LAMA2: variants seen among roughly 807,000 people sequenced by gnomAD.
LAMA2 encodes laminin subunit alpha-2.
A neutral mutation model predicts 364.8 loss-of-function variants in LAMA2; 269 were observed. That is an observed-to-expected ratio of 0.74 (90% CI 0.67 to 0.82). LAMA2 has a LOEUF of 0.82. Among genes scored for constraint, LAMA2 ranks in the 40% least tolerant of loss-of-function variants. The pLI is 0.00. For missense variants in LAMA2, 3,807 were observed against 3,873.2 expected, an observed-to-expected ratio of 0.98 and a Z score of 0.45; for synonymous variants, 1,379 against 1,370.6, an observed-to-expected ratio of 1.01 and a Z score of -0.14.
chr6:129,398,505 C>T (rs1431170950), intron 37 of LAMA2, among the ~76,000 whole-genome samples: 49 of 97,586 alleles, frequency 5.0e-4, no homozygotes, highest in Admixed American at 1.5e-3. Flanking sequence ...GACAGAGTTT[C>T]GCTCTTGTCA....
chr6:129,344,160 T>G (rs1486375621), intron 30 of LAMA2, among the ~76,000 whole-genome samples: 1 of 152,194 alleles, frequency 6.6e-6, no homozygotes, highest in Non-Finnish European at 1.5e-5. Context: ...GGAAAACTAT[T>G]ATCATAGAAT....
chr6:129,152,757 G>C (rs567599963), intron 7 of LAMA2, among the ~76,000 whole-genome samples: 1 of 152,234 alleles, frequency 6.6e-6, no homozygotes, highest in South Asian at 2.1e-4. Flanking sequence ...GGTGTTATTT[G>C]TAAAGGGAGA....
chr6:129,310,526 A>G (rs1774152209), intron 22 of LAMA2, among the ~76,000 whole-genome samples: 1 of 152,180 alleles, frequency 6.6e-6, no homozygotes, highest in African/African-American at 2.4e-5. Context: ...TGCATACACC[A>G]TATGGTGGCA....
chr6:129,043,956 T>C (rs1002323258), intron 1 of LAMA2, among the ~76,000 whole-genome samples: 1 of 152,204 alleles, frequency 6.6e-6, no homozygotes, highest in African/African-American at 2.4e-5. Context: ...ACAGAGTTTA[T>C]GCACAGATTG....
chr6:129,296,744 A>C (rs904084768), intron 20 of LAMA2, among the ~76,000 whole-genome samples: 2 of 152,230 alleles, frequency 1.3e-5, no homozygotes, highest in African/African-American at 4.8e-5. Context: ...ATTACCGAGA[A>C]TAATTTTCCA....
chr6:129,440,226 A>G (rs1034756849), intron 42 of LAMA2, among the ~76,000 whole-genome samples: 4 of 152,104 alleles, frequency 2.6e-5, no homozygotes, highest in Admixed American at 2.0e-4. Flanking sequence ...AAATGCACAT[A>G]TTTATACAAC....
chr6:129,316,146 T>C lies in LAMA2; in HGVS notation c.4033T>C (p.Tyr1345His). The C allele has an allele frequency of 6.2e-7, 1 of 1,608,118 alleles. No homozygotes were observed. The highest frequency in any genetic ancestry group is 2.2e-5 in the East Asian group (1 of 44,850). ...TCATTACATTCTTATCAAAGCTACTTATGGAAATTTCATGCGACAAAGCAG... is the reference window on the plus strand; with the variant it reads ...TCATTACATTCTTATCAAAGCTACTCATGGAAATTTCATGCGACAAAGCAG... ...DIHYILIKAT[Y>H]GNFMRQSRIS... The change falls in exon 27 of 65, where the codon TAT becomes CAT. Residue 1345 changes from tyrosine to histidine, a missense_variant. Tyr to His is a moderately conservative substitution (Grantham distance 83, BLOSUM62 2). This residue lies in a region of LAMA2 where 3,333 missense variants were observed against 3,345.7 expected (regional missense o/e 1.00). Transcript: ENST00000421865.
intron 42 of LAMA2, among the ~76,000 whole-genome samples, chr6:129,440,587 T>C (rs183329401): frequency 6.6e-6 from 1 of 152,226 alleles, no homozygotes; most frequent in East Asian, 1.9e-4. Flanking sequence ...AATAGTCACG[T>C]CACTACTTTA....
intron 3 of LAMA2, among the ~76,000 whole-genome samples, chr6:129,077,987 C>T (rs1337606136): frequency 6.6e-6 from 1 of 151,980 alleles, no homozygotes; most frequent in East Asian, 1.9e-4. Flanking sequence ...AGAGTGAAGC[C>T]GAATGTAAAC....
At chr6:128,898,260 A>G (rs751613460) in intron 1 of LAMA2, among the ~76,000 whole-genome samples, 10 of 152,148 alleles carry the variant, frequency 6.6e-5, no homozygotes, top group Non-Finnish European at 1.3e-4. Flanking sequence ...TATCCTGGTT[A>G]TGGATGGTAA....
intron 40 of LAMA2, among the ~76,000 whole-genome samples, chr6:129,418,611 G>A (rs573865449): frequency 6.6e-6 from 1 of 151,710 alleles, no homozygotes; most frequent in Non-Finnish European, 1.5e-5. Flanking sequence ...TTTTTTTATT[G>A]ATCAGAATTA....
intron 12 of LAMA2, among the ~76,000 whole-genome samples, chr6:129,234,719 T>C (rs571908575): frequency 3.9e-5 from 6 of 152,336 alleles, no homozygotes; most frequent in Admixed American, 2.0e-4. Context: ...TTATCAATTG[T>C]GTATGTACTT....
chr6:129,203,106 A>T (rs1782407020), intron 12 of LAMA2, among the ~76,000 whole-genome samples: 1 of 152,252 alleles, frequency 6.6e-6, no homozygotes, highest in Non-Finnish European at 1.5e-5. Flanking sequence ...AGTTTTAAAA[A>T]GAAAGACTGG....
Position 129,143,394 on chromosome 6 carries a change from C to G in LAMA2, c.640-507C>G, listed in dbSNP as rs115482079. ...TATCTCACTGTGATGATAGATTTGT[C>G]TAGTTTTCCTTGTAATTTTTGTTCT... On this transcript the variant is annotated intron_variant, in intron 4 of 64. Transcript: ENST00000421865. 6.1e-3 allele frequency among the ~76,000 whole-genome samples: 917 copies of G among 151,534 alleles called. 14 individuals carry two copies. The highest frequency in any genetic ancestry group is 0.021 in the African/African-American group (885 of 41,402).
chr6:129,303,055 A>G lies in LAMA2; in HGVS notation c.3174+2183A>G, dbSNP rs550140146. ...ATAGATCAATTTGGGAAGAATTGACAGCTTAAAAGTATTAGATATCCCAGT... is the reference window on the plus strand; with the variant it reads ...ATAGATCAATTTGGGAAGAATTGACGGCTTAAAAGTATTAGATATCCCAGT... On this transcript the variant is annotated intron_variant, in intron 22 of 64. Coordinates refer to ENST00000421865, the MANE Select transcript of LAMA2 (RefSeq NM_000426.4). 2.2e-4 allele frequency among the ~76,000 whole-genome samples: 33 copies of G among 152,278 alleles called. No individual in the cohort carries two copies. In the South Asian group the frequency reaches 6.6e-3, roughly 31 times the overall value.
In LAMA2 at chr6:129,278,061, G is replaced by A. The variant is rs138060291; in HGVS notation, c.2451-2000G>A. Among the ~76,000 whole-genome samples, 4 of 152,126 alleles carry A rather than the reference G, an allele frequency of 2.6e-5. No homozygotes were observed. In the East Asian group the frequency reaches 7.7e-4, roughly 29 times the overall value. ...TACTAAAAATACAAAAATGGGCCAG[G>A]CCTGGTAGCACCTGCCTGCAATCCC... On this transcript the variant is annotated intron_variant, in intron 17 of 64. Coordinates refer to ENST00000421865, the MANE Select transcript of LAMA2 (RefSeq NM_000426.4).
intron 22 of LAMA2, among the ~76,000 whole-genome samples, chr6:129,310,188 C>T (rs1054037025): frequency 6.6e-5 from 10 of 152,100 alleles, no homozygotes; most frequent in Non-Finnish European, 1.0e-4. Context: ...CGTGAGCCAC[C>T]GCGCCCGGCC....
Position 129,252,253 on chromosome 6 carries a change from T to G in LAMA2, c.2054T>G (p.Leu685Arg), listed in dbSNP as rs746641607. 4.3e-5 allele frequency: 70 copies of G among 1,613,866 alleles called. No individual in the cohort carries two copies. Among genetic ancestry groups the G allele is most frequent in the East Asian group, 1.1e-4 (5 of 44,868 alleles). ...MTVLANLKRVLLQITYSFGMD... is the reference protein window; with the variant it reads ...MTVLANLKRVRLQITYSFGMD... ...GTGCTTGCGAATTTGAAGAGAGTCC[T>G]CCTACAAATCACATACAGCTTTGGG... The change falls in exon 14 of 65, where the codon CTC becomes CGC. Residue 685 changes from leucine to arginine, a missense_variant. Transcript: ENST00000421865.
At chr6:129,169,480 A>G (rs1779991197) in intron 9 of LAMA2, among the ~76,000 whole-genome samples, 1 of 150,348 alleles carries the variant, frequency 6.7e-6, no homozygotes, top group African/African-American at 2.5e-5. Context: ...ATTTGTGTAT[A>G]TTGAACCAGC....
Sources: gnomAD v4.1 joint callset for allele counts (sites outside exome capture counted in the v4.1 genomes callset) on GRCh38, gnomAD v4.1.1 for gene constraint, gnomAD v4.1.1 regional missense constraint, MANE v1.5 for transcripts, NCBI Gene and HGNC (gene_info 2026-07-23, HGNC 2026-07-21) for gene names.